The following ALDH16A1 variants were observed in gnomAD, a reference collection of about 807,000 sequenced individuals.
The protein encoded by ALDH16A1 is aldehyde dehydrogenase 16 family member A1, also known as aldehyde dehydrogenase family 16 member A1.
Under a neutral mutation model 96.1 loss-of-function variants are expected in ALDH16A1, and 88 were observed. The observed-to-expected ratio is 0.92, with a 90% CI of 0.77 to 1.09. The LOEUF (loss-of-function observed/expected upper bound fraction) is 1.09, where lower values mean the gene tolerates loss of function less well. Among genes scored for constraint, ALDH16A1 ranks in the 50% least tolerant of loss-of-function variants. The pLI is 0.00. For synonymous variants in ALDH16A1, 522 were observed against 496.4 expected, an observed-to-expected ratio of 1.05 and a Z score of -0.69; for missense variants, 1,250 against 1,112.6, an observed-to-expected ratio of 1.12 and a Z score of -1.76.
At position 49,465,819 on chromosome 19, in the gene ALDH16A1, G is replaced by C. The variant is rs371179742; in HGVS notation, c.1650G>C (p.Ser550=). The C allele has an allele frequency of 1.4e-5, 23 of 1,614,134 alleles. No individual in the cohort carries two copies. The South Asian group carries it at 2.4e-4, about 17-fold the overall frequency. ...GAAGCTCCAGGCCCATCCGGGATTC[G>C]TCTGGCAACCTCCATGGCTACGTGG... ...GARSSRPIRD[S]SGNLHGYVAE... Residue 550 remains serine, a synonymous_variant, in exon 13 of 17, where the codon TCG becomes TCC. Transcript: ENST00000293350.
intron 2 of ALDH16A1, 78 bp from the exon 3 acceptor site, chr19:49,458,882 G>A: frequency 3.9e-6 from 6 of 1,547,652 alleles, no homozygotes; most frequent in Non-Finnish European, 5.3e-6. Flanking sequence ...GGCTGATCCA[G>A]GCTCCGAAAA....
Position 49,458,515 on chromosome 19 carries a change from G to T in ALDH16A1, c.120G>T (p.Leu40Phe). The T allele has an allele frequency of 6.4e-7, 1 of 1,566,064 alleles. No homozygotes were observed. Among genetic ancestry groups the T allele is most frequent in the Non-Finnish European group, 8.7e-7 (1 of 1,153,252 alleles). Residue 40 changes from leucine to phenylalanine, a missense_variant, in exon 2 of 17, where the codon TTG becomes TTT. Transcript: ENST00000293350. ...LAWLDTQDRC[L>F]GHYVNGKWLK... ...GGCTGGACACCCAGGACCGGTGCTT[G>T]GGCCACTATGTGAATGGGAAGTGGT...
chr19:49,459,112 G>A lies in ALDH16A1; in HGVS notation c.320+26G>A, dbSNP rs116344197. 3.2e-3 allele frequency: 5,175 copies of A among 1,596,524 alleles called. 142 individuals are homozygous for A. The African/African-American group carries it at 0.061, about 19-fold the overall frequency. On this transcript the variant is annotated intron_variant, in intron 3 of 16. Coordinates refer to ENST00000293350, the MANE Select transcript of ALDH16A1 (RefSeq NM_153329.4). This position sits in a 1 kb window ranked among gnomAD's most constrained non-coding sequence, Gnocchi z 4.1. ...GTGATGCAGCTGAGGTGTGGACCCC[G>A]GGAGGCGGGGAACCCCAGCATCCAC...
chr19:49,459,593 A>G lies in ALDH16A1; in HGVS notation c.321-77A>G. 6 of 1,472,222 alleles carry G rather than the reference A, an allele frequency of 4.1e-6. No homozygotes were observed. Among genetic ancestry groups the G allele is most frequent in the Middle Eastern group, 2.5e-4 (1 of 3,974 alleles). 91.2% of individuals were successfully genotyped at this position (1,472,222 alleles called of 1,614,324 possible). Reference sequence around the variant, plus strand: ...CAGGGGCTCATGGGGATTGTAGTCCAGGTATATAGGAGCAGCCCAGGACTC... The same window carrying G: ...CAGGGGCTCATGGGGATTGTAGTCCGGGTATATAGGAGCAGCCCAGGACTC... On this transcript the variant is annotated intron_variant, in intron 3 of 16. Transcript: ENST00000293350. The surrounding 1 kb of genome is among the most constrained non-coding windows in gnomAD (Gnocchi z 4.1).
At chr19:49,454,242 CG>C (rs918837715) in intron 1 of ALDH16A1, among the ~76,000 whole-genome samples, 11 of 152,106 alleles carry the variant, frequency 7.2e-5, no homozygotes, top group African/African-American at 2.7e-4. Flanking sequence ...AGGCTGGTCT[CG>C]AACTCCTGGC....
intron 1 of ALDH16A1, among the ~76,000 whole-genome samples, chr19:49,456,906 G>A (rs530939589): frequency 2.0e-5 from 3 of 151,978 alleles, no homozygotes; most frequent in South Asian, 4.2e-4. Context: ...CCAGGAGTTC[G>A]AGACCAGCCT....
In ALDH16A1 at chr19:49,468,833, T is replaced by C; in HGVS notation, c.2125-31T>C. 1.9e-6 allele frequency: 3 copies of C among 1,597,166 alleles called. No homozygotes were observed. The highest frequency in any genetic ancestry group is 1.7e-6 in the Non-Finnish European group (2 of 1,170,584). ...CACTCCTTGCCCTGCCCCCACGGCC[T>C]CCCCAACCTTTCACTCTCTCTATCC... On this transcript the variant is annotated intron_variant, in intron 15 of 16. Transcript: ENST00000293350. This position sits in a 1 kb window ranked among gnomAD's most constrained non-coding sequence, Gnocchi z 4.4.
Position 49,464,697 on chromosome 19 carries a change from G to A in ALDH16A1, c.1503G>A (p.Leu501=), listed in dbSNP as rs1382164789. Residue 501 remains leucine, a synonymous_variant, in exon 12 of 17, where the codon CTG becomes CTA. Coordinates refer to ENST00000293350, the MANE Select transcript of ALDH16A1 (RefSeq NM_153329.4). ...PARLSCLSKN[L]NYDTFGLAVP... is the part of the protein sequence containing the mutation. ...GGCTGTCCTGCCTCTCCAAGAACCTGAACTATGACACCTTTGGCCTCGCTG... is the reference window on the plus strand; with the variant it reads ...GGCTGTCCTGCCTCTCCAAGAACCTAAACTATGACACCTTTGGCCTCGCTG... The A allele has an allele frequency of 1.2e-6, 2 of 1,613,470 alleles. No homozygotes were observed. Among genetic ancestry groups the A allele is most frequent in the African/African-American group, 1.3e-5 (1 of 74,928 alleles).
chr19:49,461,598 T>C, intron 5 of ALDH16A1, 21 bp from the exon 6 acceptor site: 1 of 1,535,804 alleles, frequency 6.5e-7, no homozygotes, highest in East Asian at 2.4e-5. Context: ...CCTGGGCCTT[T>C]GAGCTGCCCC....
chr19:49,458,615 G>A (rs747994179), intron 2 of ALDH16A1, 27 bp downstream of exon 2: 4 of 1,547,576 alleles, frequency 2.6e-6, no homozygotes, highest in Non-Finnish European at 3.5e-6. Flanking sequence ...AGTCATTAGT[G>A]GAAGGGAGGT....
chr19:49,461,196 G>A (rs111313556), intron 5 of ALDH16A1, among the ~76,000 whole-genome samples: 7 of 134,472 alleles, frequency 5.2e-5, no homozygotes, highest in South Asian at 2.3e-4. Flanking sequence ...TGGATTCCTG[G>A]GTCTGAGGGA....
Position 49,459,565 on chromosome 19 carries a change from C to T in ALDH16A1, c.321-105C>T. ...CTGCCCCAGGTAAATGGTGGGGATGCCTCAGGGGCTCATGGGGATTGTAGT... is the reference window on the plus strand; with the variant it reads ...CTGCCCCAGGTAAATGGTGGGGATGTCTCAGGGGCTCATGGGGATTGTAGT... On this transcript the variant is annotated intron_variant, in intron 3 of 16. Coordinates refer to ENST00000293350, the MANE Select transcript of ALDH16A1 (RefSeq NM_153329.4). This position sits in a 1 kb window ranked among gnomAD's most constrained non-coding sequence, Gnocchi z 4.1. 2.3e-6 allele frequency: 3 copies of T among 1,313,218 alleles called. No homozygotes were observed. Among genetic ancestry groups the T allele is most frequent in the East Asian group, 2.5e-5 (1 of 40,022 alleles). 81.3% of individuals were successfully genotyped at this position (1,313,218 alleles called of 1,614,324 possible).
At chr19:49,466,739 AG>A (rs2079202641) in intron 14 of ALDH16A1, among the ~76,000 whole-genome samples, 1 of 151,624 alleles carries the variant, frequency 6.6e-6, no homozygotes, top group African/African-American at 2.4e-5. Flanking sequence ...GGGCACCTAT[AG>A]TCCCAGCTAC....
rs555203061 is a variant in ALDH16A1 at position 49,463,591 on chromosome 19, G to A, written c.1099-263G>A. Among the ~76,000 whole-genome samples, 289 of 61,940 alleles carry A rather than the reference G, an allele frequency of 4.7e-3. 8 individuals are homozygous for A. Among genetic ancestry groups the A allele is most frequent in the Admixed American group, 0.017 (120 of 7,084 alleles). 40.6% of individuals were successfully genotyped at this position (61,940 alleles called of 152,430 possible). A position where few individuals can be genotyped will look rare whatever the true frequency, so the allele number is the denominator to read the frequency against. On this transcript the variant is annotated intron_variant, in intron 8 of 16. Coordinates refer to ENST00000293350, the MANE Select transcript of ALDH16A1 (RefSeq NM_153329.4). Reference sequence around the variant, plus strand: ...GGCCTGGATTCCTGGGTCTGAGGGAGGAGGGGCTGGGGCCTGGACTCCTGG... The same window carrying A: ...GGCCTGGATTCCTGGGTCTGAGGGAAGAGGGGCTGGGGCCTGGACTCCTGG...
Position 49,470,618 on chromosome 19 carries a change from AG to A in ALDH16A1, c.*152del. On this transcript the variant is annotated 3_prime_UTR_variant, in exon 17 of 17. Coordinates refer to ENST00000293350, the MANE Select transcript of ALDH16A1 (RefSeq NM_153329.4). ...GTGCTTCTGCGAGAAGAAAGGGTGT[AG>A]CAACTTCTGGCAGATATGAGGCTTT... The A allele has an allele frequency of 1.4e-6, 1 of 734,274 alleles. No individual in the cohort carries two copies. Among genetic ancestry groups the A allele is most frequent in the Non-Finnish European group, 1.9e-6 (1 of 516,228 alleles). 45.5% of individuals were successfully genotyped at this position (734,274 alleles called of 1,614,324 possible).
Position 49,463,920 on chromosome 19 carries a change from C to T in ALDH16A1, c.1165C>T (p.Pro389Ser), listed in dbSNP as rs1238538655. 1 of 1,611,924 alleles carries T rather than the reference C, an allele frequency of 6.2e-7. No homozygotes were observed. The highest frequency in any genetic ancestry group is 8.5e-7 in the Non-Finnish European group (1 of 1,178,798). ...FYPPTLVSNL[P>S]PASPCAQVEV... is the part of the protein sequence containing the mutation. ...TCCCCCAACCTTGGTCTCCAACCTG[C>T]CCCCAGCCTCCCCATGTGCCCAGGT... Residue 389 changes from proline (P) to serine (S), a missense_variant, in exon 9 of 17, where the codon CCC becomes TCC. Coordinates refer to ENST00000293350, the MANE Select transcript of ALDH16A1 (RefSeq NM_153329.4).
intron 7 of ALDH16A1, 50 bp from the exon 8 acceptor site, chr19:49,462,520 A>G: frequency 6.3e-7 from 1 of 1,576,514 alleles, no homozygotes; most frequent in Non-Finnish European, 8.6e-7. Context: ...CAGATCACCA[A>G]CTTGCTAGAG....
chr19:49,468,622 A>T lies in ALDH16A1; in HGVS notation c.2124+56A>T. On this transcript the variant is annotated intron_variant, in intron 15 of 16. Coordinates refer to ENST00000293350, the MANE Select transcript of ALDH16A1 (RefSeq NM_153329.4). The surrounding 1 kb of genome is among the most constrained non-coding windows in gnomAD (Gnocchi z 4.4). ...CCCGTAGCCTCAGGGCAGCAGAAAAAGGCGCCCCAAAGTCGGCAGGAGCTT... is the reference window on the plus strand; with the variant it reads ...CCCGTAGCCTCAGGGCAGCAGAAAATGGCGCCCCAAAGTCGGCAGGAGCTT... 6.4e-7 allele frequency: 1 copy of T among 1,572,874 alleles called. No homozygotes were observed. The highest frequency in any genetic ancestry group is 1.3e-5 in the African/African-American group (1 of 74,238).
At chr19:49,470,172 G>T (rs1181323590) in intron 16 of ALDH16A1, 134 bp from the exon 17 acceptor site, 19 of 1,065,464 alleles carry the variant, frequency 1.8e-5, no homozygotes, top group Non-Finnish European at 2.2e-5. Flanking sequence ...TGCTTGGGAG[G>T]AGCTGGGCAT....
Sources: allele counts gnomAD v4.1 joint callset (sites outside exome capture counted in the v4.1 genomes callset), GRCh38; gene constraint gnomAD v4.1.1; non-coding constraint Gnocchi (gnomAD v3.1); transcripts MANE v1.5; gene names NCBI Gene and HGNC (gene_info 2026-07-23, HGNC 2026-07-21).